The following CHD7 variants were observed in gnomAD, a reference collection of about 807,000 sequenced individuals.
CHD7 encodes ATP-dependent chromatin remodeler CHD7.
A neutral mutation model predicts 307.3 loss-of-function variants in CHD7; 24 were observed. The observed-to-expected ratio is 0.08, with a 90% CI of 0.06 to 0.11. The LOEUF is 0.11. Among genes scored for constraint, CHD7 ranks in the 10% least tolerant of loss-of-function variants. The probability of loss-of-function intolerance (pLI) is 1.00; values close to 1 mark genes in which losing one functional copy is unlikely to be tolerated. For synonymous variants in CHD7, 1,363 were observed against 1,349.9 expected (o/e 1.01, Z -0.21); for missense variants, 3,106 against 3,727.1 (o/e 0.83, Z 4.34).
chr8:60,820,660 GATA>G (rs1803984399), intron 9 of CHD7, among the ~76,000 whole-genome samples: 1 of 152,162 alleles, frequency 6.6e-6, no homozygotes, highest in Non-Finnish European at 1.5e-5. Context: ...ATTGTGTCTT[GATA>G]ATGATGTGCC....
At chr8:60,743,163 C>A (rs985996058) in intron 2 of CHD7, 66 bp downstream of exon 2, 3 of 1,385,454 alleles carry the variant, frequency 2.2e-6, no homozygotes, top group South Asian at 2.4e-5. Flanking sequence ...CTTGTCTGAT[C>A]GAATTTTTCT....
chr8:60,771,513 TACTC>T (rs1319808690), intron 2 of CHD7, among the ~76,000 whole-genome samples: 2 of 152,246 alleles, frequency 1.3e-5, no homozygotes, highest in Middle Eastern at 3.2e-3. Flanking sequence ...AGATTAGGGA[TACTC>T]ACTCTGTACC....
chr8:60,812,993 T>C (rs1274837668), intron 7 of CHD7, among the ~76,000 whole-genome samples: 1 of 152,158 alleles, frequency 6.6e-6, no homozygotes, highest in Non-Finnish European at 1.5e-5. Context: ...TTTATTTACA[T>C]TGTGTTAAAT....
intron 2 of CHD7, among the ~76,000 whole-genome samples, chr8:60,768,224 A>C (rs1810562834): frequency 6.6e-6 from 1 of 152,158 alleles, no homozygotes; most frequent in Non-Finnish European, 1.5e-5. Flanking sequence ...GGAGATAGTT[A>C]TTATTGAAGC....
chr8:60,688,460 G>C (rs1806026586), intron 1 of CHD7, among the ~76,000 whole-genome samples: 1 of 152,218 alleles, frequency 6.6e-6, no homozygotes, highest in African/African-American at 2.4e-5. Flanking sequence ...GACTGGACAA[G>C]AATGAGTGGC....
At chr8:60,709,833 A>G (rs1586194300) in intron 1 of CHD7, among the ~76,000 whole-genome samples, 1 of 152,370 alleles carries the variant, frequency 6.6e-6, no homozygotes, top group East Asian at 1.9e-4. Flanking sequence ...AGCAATGGTA[A>G]TAGAAAATGC....
At chr8:60,682,495 C>T (rs1805680650) in intron 1 of CHD7, among the ~76,000 whole-genome samples, 1 of 152,176 alleles carries the variant, frequency 6.6e-6, no homozygotes, top group South Asian at 2.1e-4. Flanking sequence ...ATGTAAGTGC[C>T]AAGTTAGTGT....
rs1805407688 is a variant in CHD7 at position 60,678,813 on chromosome 8, C to CG, written c.-439dup. 7.3e-6 allele frequency: 1 copy of CG among 136,302 alleles called. No individual in the cohort carries two copies. Among genetic ancestry groups the CG allele is most frequent in the Non-Finnish European group, 1.6e-5 (1 of 63,638 alleles). The allele number at this position is 136,302 out of a possible 1,614,324, so 8.4% of individuals were successfully genotyped here. A position where few individuals can be genotyped will look rare whatever the true frequency, so the allele number is the denominator to read the frequency against. ...GGCAGCGGCGGCGGCGGCGGCGGCG[C>CG]GGGGGTTGAGTCGTGGTGGTGCGGA... is the stretch of plus-strand genomic sequence containing the variant. On this transcript the variant is annotated 5_prime_UTR_variant, in exon 1 of 38. Transcript: ENST00000423902.
chr8:60,688,298 G>A (rs1457457477), intron 1 of CHD7, among the ~76,000 whole-genome samples: 1 of 150,614 alleles, frequency 6.6e-6, no homozygotes, highest in East Asian at 1.9e-4. Context: ...GTTAAGTGAG[G>A]CACTCCAGCT....
intron 2 of CHD7, among the ~76,000 whole-genome samples, chr8:60,767,241 T>TTGC (rs1346245799): frequency 6.6e-6 from 1 of 152,066 alleles, no homozygotes; most frequent in Non-Finnish European, 1.5e-5. Flanking sequence ...GCAAATATTG[T>TTGC]TGCTCTTTCA....
At chr8:60,850,971 C>A in intron 26 of CHD7, 61 bp from the exon 27 acceptor site, 1 of 1,191,976 alleles carries the variant, frequency 8.4e-7, no homozygotes, top group Non-Finnish European at 1.2e-6. Context: ...TCCTACCCAC[C>A]CCCCTTCCTT....
rs1554568913 is a variant in CHD7 at position 60,678,788 on chromosome 8, G to GGCGGCGGCA, written c.-467_-466insGGCGGCAGC. ...CCGCGGCGGCGGCGGCGGCGGCGGC[G>GGCGGCGGCA]GCAGCGGCGGCGGCGGCGGCGGCGC... On this transcript the variant is annotated 5_prime_UTR_variant, in exon 1 of 38. Coordinates refer to ENST00000423902, the MANE Select transcript of CHD7 (RefSeq NM_017780.4). The GGCGGCGGCA allele has an allele frequency of 7.1e-6, 1 of 140,394 alleles. No homozygotes were observed. Among genetic ancestry groups the GGCGGCGGCA allele is most frequent in the African/African-American group, 2.6e-5 (1 of 38,024 alleles). The allele number at this position is 140,394 out of a possible 1,614,324, so 8.7% of individuals were successfully genotyped here. A position where few individuals can be genotyped will look rare whatever the true frequency, so the allele number is the denominator to read the frequency against.
chr8:60,734,627 G>T (rs1808613513), intron 1 of CHD7, among the ~76,000 whole-genome samples: 1 of 152,174 alleles, frequency 6.6e-6, no homozygotes, highest in Admixed American at 6.5e-5. Context: ...AGAGACCATG[G>T]GTGTGAAGGC....
At chr8:60,861,325 C>CT in intron 35 of CHD7, 200 bp downstream of exon 35, 1 of 529,740 alleles carries the variant, frequency 1.9e-6, no homozygotes, top group South Asian at 3.2e-5. Context: ...TGAAGGCAGC[C>CT]TTACAGTTAT....
chr8:60,801,499 T>C (rs1405261416), intron 5 of CHD7, 29 bp from the exon 6 acceptor site: 13 of 1,526,322 alleles, frequency 8.5e-6, no homozygotes, highest in Non-Finnish European at 1.2e-5. Context: ...GTTTTCTATT[T>C]GGATTGATGC....
chr8:60,783,177 G>A (rs1811341550), intron 3 of CHD7, among the ~76,000 whole-genome samples: 2 of 152,114 alleles, frequency 1.3e-5, no homozygotes, highest in African/African-American at 4.8e-5. Context: ...GAATTTCCAA[G>A]TATGTCTTTT....
At chr8:60,830,197 C>T in intron 14 of CHD7, 125 bp from the exon 15 acceptor site, 1 of 971,048 alleles carries the variant, frequency 1.0e-6, no homozygotes, top group Non-Finnish European at 1.5e-6. Context: ...TTCATACTCT[C>T]ACTGGGCTTT....
intron 6 of CHD7, among the ~76,000 whole-genome samples, chr8:60,806,123 G>A (rs1812524984): frequency 6.6e-6 from 1 of 152,166 alleles, no homozygotes; most frequent in Admixed American, 6.5e-5. Flanking sequence ...AGTACTTTGG[G>A]AAGCCGAGGT....
intron 2 of CHD7, among the ~76,000 whole-genome samples, chr8:60,756,716 T>TAC (rs994048512): frequency 8.5e-5 from 13 of 152,068 alleles, no homozygotes; most frequent in East Asian, 3.9e-4. Flanking sequence ...CATACGCGCA[T>TAC]ACACACACAC....
Sources: gnomAD v4.1 joint callset for allele counts (sites outside exome capture counted in the v4.1 genomes callset) on GRCh38, gnomAD v4.1.1 for gene constraint, MANE v1.5 for transcripts, NCBI Gene and HGNC (gene_info 2026-07-23, HGNC 2026-07-21) for gene names.